CDC42SE2: variants seen among roughly 807,000 people sequenced by gnomAD.
CDC42SE2 encodes the protein CDC42 small effector protein 2.
A neutral mutation model predicts 11.5 loss-of-function variants in CDC42SE2; 3 were observed. The observed-to-expected ratio is 0.26, with a 90% confidence interval of 0.12 to 0.67. The LOEUF (loss-of-function observed/expected upper bound fraction) is 0.67, where lower values mean the gene tolerates loss of function less well. CDC42SE2 is among the 30% of genes least tolerant of loss of function. CDC42SE2 has a pLI of 0.80. For synonymous variants in CDC42SE2, 33 were observed against 34.8 expected, an observed-to-expected ratio of 0.95 and a Z score of 0.18; for missense variants, 82 against 106.8, an observed-to-expected ratio of 0.77 and a Z score of 1.02.
the CDC42SE2 span, among the ~76,000 whole-genome samples, chr5:131,235,292 A>AT: frequency 3.5e-3 from 492 of 138,904 alleles, 1 homozygote; most frequent in South Asian, 7.8e-3. Flanking sequence ...ACATCCAGAC[A>AT]TTTTTTTTTT....
chr5:131,248,350 G>A (rs186001359), intron 1 of CDC42SE2, among the ~76,000 whole-genome samples: 33 of 152,002 alleles, frequency 2.2e-4, no homozygotes, highest in African/African-American at 7.5e-4. Context: ...GTGTTGGTCA[G>A]GCTGGTCTCA....
chr5:131,225,046 C>T, the CDC42SE2 span, among the ~76,000 whole-genome samples: 4 of 151,982 alleles, frequency 2.6e-5, no homozygotes, highest in Admixed American at 6.6e-5. Context: ...CAGTGGCCGC[C>T]GTGTGAACAG....
chr5:131,359,538 G>T lies in CDC42SE2; in HGVS notation c.45G>T (p.Gln15His). ...WLCFNCCIAE[Q>H]PQPKRRRRID... ...GTTTCAACTGCTGTATTGCAGAACA[G>T]CCTCAGCCTGTAAGTATGAAGTATG... Residue 15 changes from glutamine to histidine, a missense_variant, in exon 3 of 5, where the codon CAG becomes CAT. Gln to His is a conservative substitution (Grantham distance 24). Coordinates refer to ENST00000505065, the MANE Select transcript of CDC42SE2 (RefSeq NM_001375635.1). 1 of 1,612,274 alleles carries T rather than the reference G, an allele frequency of 6.2e-7. No homozygotes were observed. Among genetic ancestry groups the T allele is most frequent in the Admixed American group, 1.7e-5 (1 of 60,012 alleles).
At chr5:131,237,470 G>A in the CDC42SE2 span, among the ~76,000 whole-genome samples, 9 of 152,294 alleles carry the variant, frequency 5.9e-5, no homozygotes, top group South Asian at 1.0e-3. Flanking sequence ...ATTTTGCAAC[G>A]TCCATATTTT....
chr5:131,278,814 T>C (rs1336856057), intron 1 of CDC42SE2, among the ~76,000 whole-genome samples: 1 of 95,026 alleles, frequency 1.1e-5, no homozygotes, highest in African/African-American at 4.3e-5. Context: ...AAAGACAGAG[T>C]CTGTTTGTTG....
chr5:131,242,541 T>C (rs1010848601), upstream of CDC42SE2, among the ~76,000 whole-genome samples: 11 of 152,234 alleles, frequency 7.2e-5, no homozygotes, highest in African/African-American at 2.7e-4. Flanking sequence ...CAAATGGGTC[T>C]GGTGTCATTT....
exon 1 of CDC42SE2, chr5:131,245,518 CT>C (rs753558321): frequency 4.6e-5 from 7 of 152,200 alleles, no homozygotes; most frequent in Non-Finnish European, 1.0e-4. Flanking sequence ...CTGCTGTCCC[CT>C]GGTCTAGTTA....
chr5:131,362,558 C>T (rs1749739328), intron 3 of CDC42SE2, among the ~76,000 whole-genome samples: 2 of 152,186 alleles, frequency 1.3e-5, no homozygotes, highest in Non-Finnish European at 2.9e-5. Context: ...CCGACTCTCC[C>T]ACTTGTTCCC....
chr5:131,359,674 T>TC, intron 3 of CDC42SE2, 127 bp downstream of exon 3: 1 of 740,524 alleles, frequency 1.4e-6, no homozygotes, highest in Non-Finnish European at 2.4e-6. Flanking sequence ...AGAGAATAGT[T>TC]CAGTGGAACT....
chr5:131,216,035 G>A, the CDC42SE2 span, among the ~76,000 whole-genome samples: 615 of 152,298 alleles, frequency 4.0e-3, 1 homozygote, highest in Middle Eastern at 6.8e-3. Context: ...AACTGATAGT[G>A]TTCACCTGGT....
chr5:131,285,307 G>A (rs547776624), intron 1 of CDC42SE2, among the ~76,000 whole-genome samples: 5 of 151,960 alleles, frequency 3.3e-5, no homozygotes, highest in Admixed American at 6.6e-5. Context: ...ACCCAAAACC[G>A]TAAAACCAAC....
At chr5:131,266,460 CTTTT>C in intron 1 of CDC42SE2, among the ~76,000 whole-genome samples, 1 of 128,194 alleles carries the variant, frequency 7.8e-6, no homozygotes, top group East Asian at 2.3e-4. Flanking sequence ...TTTTTTTTTT[CTTTT>C]TTTTTTTTTT....
intron 1 of CDC42SE2, among the ~76,000 whole-genome samples, chr5:131,298,411 C>G (rs879294627): frequency 6.6e-6 from 1 of 151,764 alleles, no homozygotes; most frequent in African/African-American, 2.4e-5. Context: ...CATGAGCCAC[C>G]GCGCCCGGCA....
At chr5:131,339,952 G>A (rs1275221563) in intron 2 of CDC42SE2, among the ~76,000 whole-genome samples, 2 of 152,118 alleles carry the variant, frequency 1.3e-5, no homozygotes, top group Non-Finnish European at 2.9e-5. Flanking sequence ...GAGATTCTGT[G>A]AAATCAGAGC....
chr5:131,217,178 G>A, the CDC42SE2 span, among the ~76,000 whole-genome samples: 1 of 152,166 alleles, frequency 6.6e-6, no homozygotes, highest in African/African-American at 2.4e-5. Context: ...ATATAAGTAT[G>A]CCCATTATTT....
At chr5:131,354,657 T>A (rs898191318) in intron 2 of CDC42SE2, 7 of 152,166 alleles carry the variant, frequency 4.6e-5, no homozygotes, top group African/African-American at 1.7e-4. Context: ...CTAGATAGAT[T>A]TTAGGCTGTT....
intron 1 of CDC42SE2, among the ~76,000 whole-genome samples, chr5:131,275,543 C>G (rs1349279302): frequency 6.6e-6 from 1 of 152,132 alleles, no homozygotes; most frequent in Non-Finnish European, 1.5e-5. Flanking sequence ...ATCCACCCAC[C>G]TGGGCCTTCC....
intron 3 of CDC42SE2, among the ~76,000 whole-genome samples, chr5:131,360,914 G>A (rs1749687199): frequency 6.6e-6 from 1 of 151,950 alleles, no homozygotes; most frequent in Non-Finnish European, 1.5e-5. Flanking sequence ...TGTGTCATAG[G>A]GGAAATTTTT....
chr5:131,266,610 C>T (rs1756872026), intron 1 of CDC42SE2, among the ~76,000 whole-genome samples: 1 of 151,982 alleles, frequency 6.6e-6, no homozygotes, highest in South Asian at 2.1e-4. Context: ...CAGACATGCG[C>T]CACTATGCCC....
Sources: gnomAD v4.1 joint callset for allele counts (sites outside exome capture counted in the v4.1 genomes callset) on GRCh38, gnomAD v4.1.1 for gene constraint, MANE v1.5 for transcripts, NCBI Gene and HGNC (gene_info 2026-07-23, HGNC 2026-07-21) for gene names.